Variants in CHCHD3 observed in about 807,000 individuals in gnomAD.
CHCHD3 encodes the protein coiled-coil-helix-coiled-coil-helix domain containing 3.
A neutral mutation model predicts 38.2 loss-of-function variants in CHCHD3; 20 were observed. The observed-to-expected ratio is 0.52, with a 90% confidence interval of 0.37 to 0.76. The LOEUF is 0.76. CHCHD3 is among the 30% of genes least tolerant of loss of function. The pLI is 0.00. For synonymous variants in CHCHD3, 82 were observed against 100.0 expected, an observed-to-expected ratio of 0.82 and a Z score of 1.07; for missense variants, 245 against 279.2, an observed-to-expected ratio of 0.88 and a Z score of 0.87.
At chr7:132,855,865 TAA>T (rs77266210) in intron 5 of CHCHD3, among the ~76,000 whole-genome samples, 1 of 16,204 alleles carries the variant, frequency 6.2e-5, no homozygotes, top group African/African-American at 2.2e-4. Flanking sequence ...CATATTTGTT[TAA>T]AAAAAAAAAA....
chr7:132,956,523 T>C (rs1453494686), intron 4 of CHCHD3, among the ~76,000 whole-genome samples: 5 of 152,176 alleles, frequency 3.3e-5, no homozygotes, highest in African/African-American at 9.7e-5. Context: ...GCAAGTCAAG[T>C]TATAAATTGT....
chr7:132,844,088 C>T (rs952497336), intron 5 of CHCHD3, among the ~76,000 whole-genome samples: 6 of 152,182 alleles, frequency 3.9e-5, no homozygotes, highest in Non-Finnish European at 5.9e-5. Context: ...TCACTTGAGG[C>T]CAGGAATTCA....
intron 7 of CHCHD3, among the ~76,000 whole-genome samples, chr7:132,793,749 C>T (rs1806527500): frequency 6.6e-6 from 1 of 152,202 alleles, no homozygotes; most frequent in Admixed American, 6.5e-5. Flanking sequence ...TGCACTGTGT[C>T]GGATATGGAC....
chr7:132,922,559 AC>A (rs1810286678), intron 4 of CHCHD3, among the ~76,000 whole-genome samples: 1 of 141,282 alleles, frequency 7.1e-6, no homozygotes, highest in South Asian at 2.4e-4. Flanking sequence ...TCCTCTCTAT[AC>A]TTTTTTTTTT....
At chr7:133,009,688 T>TATA (rs1364603001) in intron 3 of CHCHD3, among the ~76,000 whole-genome samples, 1 of 152,118 alleles carries the variant, frequency 6.6e-6, no homozygotes, top group Non-Finnish European at 1.5e-5. Flanking sequence ...AGGGCAAAAG[T>TATA]ATATGCTCAG....
At chr7:132,936,193 C>G (rs549232374) in intron 4 of CHCHD3, among the ~76,000 whole-genome samples, 122 of 152,194 alleles carry the variant, frequency 8.0e-4, no homozygotes, top group African/African-American at 2.6e-3. Flanking sequence ...AGTAAGCACC[C>G]GATAAATGAC....
intron 6 of CHCHD3, among the ~76,000 whole-genome samples, chr7:132,826,020 A>G (rs922705574): frequency 1.8e-4 from 27 of 152,232 alleles, no homozygotes; most frequent in African/African-American, 6.5e-4. Flanking sequence ...AAGCAGGAAC[A>G]GGTGTATGCT....
intron 6 of CHCHD3, among the ~76,000 whole-genome samples, chr7:132,824,748 C>A (rs1290696129): frequency 6.6e-6 from 1 of 152,202 alleles, no homozygotes; most frequent in Non-Finnish European, 1.5e-5. Flanking sequence ...CTCTCCCACA[C>A]TGTTTCAGCC....
chr7:132,984,766 G>T (rs1036166773), intron 3 of CHCHD3, among the ~76,000 whole-genome samples: 2 of 148,584 alleles, frequency 1.3e-5, no homozygotes, highest in Admixed American at 1.3e-4. Flanking sequence ...CGTCTGAGAA[G>T]TGAGGAGCCC....
chr7:133,081,577 A>G (rs1184540063), intron 1 of CHCHD3, among the ~76,000 whole-genome samples: 1 of 152,220 alleles, frequency 6.6e-6, no homozygotes, highest in Non-Finnish European at 1.5e-5. Context: ...ACAAGGGAGC[A>G]GTACAGTTAC....
intron 6 of CHCHD3, chr7:132,830,628 A>AT (rs1448363200): frequency 5.3e-5 from 8 of 152,170 alleles, no homozygotes; most frequent in Non-Finnish European, 1.5e-5. Context: ...CCAAATGTGT[A>AT]TTTGCCATTA....
At chr7:132,967,966 C>T (rs1811518999) in intron 4 of CHCHD3, among the ~76,000 whole-genome samples, 1 of 152,166 alleles carries the variant, frequency 6.6e-6, no homozygotes, top group African/African-American at 2.4e-5. Flanking sequence ...AATCGCAGTC[C>T]TATTCATTCT....
intron 7 of CHCHD3, among the ~76,000 whole-genome samples, chr7:132,796,218 T>C (rs1247803730): frequency 1.3e-5 from 2 of 152,226 alleles, no homozygotes; most frequent in Admixed American, 6.5e-5. Flanking sequence ...AGAATCCTTT[T>C]TTCTGCAAGT....
intron 2 of CHCHD3, among the ~76,000 whole-genome samples, chr7:133,040,973 T>C (rs1584665988): frequency 1.3e-5 from 2 of 152,318 alleles, no homozygotes; most frequent in South Asian, 2.1e-4. Flanking sequence ...ATGAGGGCCA[T>C]GAATTAGATC....
At chr7:132,846,913 T>C (rs1042182116) in intron 5 of CHCHD3, among the ~76,000 whole-genome samples, 3 of 152,194 alleles carry the variant, frequency 2.0e-5, no homozygotes, top group Non-Finnish European at 4.4e-5. Context: ...ACAATAATAG[T>C]ACAGTAACAG....
rs368449199 is a variant in CHCHD3 at position 132,785,594 on chromosome 7, T to A, written c.*43A>T. The A allele has an allele frequency of 2.6e-5, 42 of 1,605,600 alleles. No individual in the cohort carries two copies. The African/African-American group carries it at 5.5e-4, about 21-fold the overall frequency. On this transcript the variant is annotated 3_prime_UTR_variant, in exon 8 of 8. Coordinates refer to ENST00000262570, the MANE Select transcript of CHCHD3 (RefSeq NM_017812.4). The stretch of plus-strand genomic sequence containing the variant: ...TCACTAGGAAAAAAAATGTTCCATC[T>A]CTGGAATTAACGTTGATGGTGTTTT...
intron 4 of CHCHD3, among the ~76,000 whole-genome samples, chr7:132,911,597 T>A (rs1261802780): frequency 6.6e-6 from 1 of 152,218 alleles, no homozygotes; most frequent in Non-Finnish European, 1.5e-5. Context: ...AAAATACAAG[T>A]AGCATGTACC....
intron 4 of CHCHD3, among the ~76,000 whole-genome samples, chr7:132,974,833 C>T (rs1811718441): frequency 6.6e-6 from 1 of 151,304 alleles, no homozygotes; most frequent in African/African-American, 2.4e-5. Flanking sequence ...GAGATCGCAC[C>T]ACTGCACTCT....
intron 4 of CHCHD3, among the ~76,000 whole-genome samples, chr7:132,927,689 G>A (rs1562910813): frequency 6.6e-6 from 1 of 152,124 alleles, no homozygotes; most frequent in Non-Finnish European, 1.5e-5. Context: ...GCCTATTCTT[G>A]GAACTAGATG....
Sources: allele counts gnomAD v4.1 joint callset (sites outside exome capture counted in the v4.1 genomes callset), GRCh38; gene constraint gnomAD v4.1.1; transcripts MANE v1.5; gene names NCBI Gene and HGNC (gene_info 2026-07-23, HGNC 2026-07-21).